The following BAZ2B variants were observed in gnomAD, a reference collection of about 807,000 sequenced individuals.
BAZ2B encodes the protein bromodomain adjacent to zinc finger domain protein 2B.
In BAZ2B, 91 loss-of-function variants were observed where a neutral mutation model predicts 246.0. The ratio of observed to expected loss-of-function variants is 0.37; its 90% CI spans 0.31 to 0.44. The LOEUF is 0.44. BAZ2B is among the 20% of genes least tolerant of loss of function. The pLI is 1.00. For missense variants in BAZ2B, 2,332 were observed against 2,533.7 expected (o/e 0.92, Z 1.71); for synonymous variants, 855 against 860.0 (o/e 0.99, Z 0.10).
At chr2:159,705,766 T>C in the BAZ2B span, among the ~76,000 whole-genome samples, 1 of 152,130 alleles carries the variant, frequency 6.6e-6, no homozygotes, top group Non-Finnish European at 1.5e-5. Context: ...ATAAGTAAGA[T>C]TTTTTAAGCT....
chr2:159,419,566 G>A (rs1011710302), intron 13 of BAZ2B, among the ~76,000 whole-genome samples: 3 of 152,170 alleles, frequency 2.0e-5, no homozygotes, highest in Non-Finnish European at 4.4e-5. Context: ...ATGTGAAAGA[G>A]TAAGAACCAT....
Position 159,484,298 on chromosome 2 carries a change from G to A in BAZ2B, c.-2-5577C>T, listed in dbSNP as rs1164072073. On this transcript the variant is annotated intron_variant, in intron 2 of 36. Coordinates refer to ENST00000392783, the MANE Select transcript of BAZ2B (RefSeq NM_013450.4). ...TAACTATAATAGTAAGGTGAGTCAA[G>A]CTGATTTTGATGACCCAAAGCTACT... 2.6e-4 allele frequency among the ~76,000 whole-genome samples: 40 copies of A among 152,176 alleles called. 1 individual carries two copies. The highest frequency in any genetic ancestry group is 2.9e-5 in the Non-Finnish European group (2 of 68,024).
intron 2 of BAZ2B, among the ~76,000 whole-genome samples, chr2:159,497,359 G>T (rs1267130470): frequency 6.6e-6 from 1 of 152,186 alleles, no homozygotes; most frequent in Non-Finnish European, 1.5e-5. Context: ...GAAGGTCCAT[G>T]ACTCATTATG....
intron 8 of BAZ2B, among the ~76,000 whole-genome samples, chr2:159,436,136 T>C (rs1037561451): frequency 6.6e-6 from 1 of 152,196 alleles, no homozygotes; most frequent in African/African-American, 2.4e-5. Context: ...AATTATGTCA[T>C]GTAATAATTT....
In BAZ2B at chr2:159,400,810, G is replaced by A. The variant is rs1326719934; in HGVS notation, c.2833-146C>T. 1.5e-5 allele frequency: 7 copies of A among 475,930 alleles called. No homozygotes were observed. The South Asian group carries it at 1.9e-4, about 13-fold the overall frequency. 29.5% of individuals were successfully genotyped at this position (475,930 alleles called of 1,614,324 possible). ...AATCCCAGCACTTTGGGAGGCCAAG[G>A]TGGGCGGATCACAAGGTCAGGAGAT... On this transcript the variant is annotated intron_variant, in intron 16 of 36. Coordinates refer to ENST00000392783, the MANE Select transcript of BAZ2B (RefSeq NM_013450.4).
At chr2:159,591,182 C>T (rs1320104046) in intron 1 of BAZ2B, among the ~76,000 whole-genome samples, 7 of 152,148 alleles carry the variant, frequency 4.6e-5, no homozygotes, top group Non-Finnish European at 7.3e-5. Context: ...AACCATTACA[C>T]AGAAATGAAC....
At chr2:159,636,097 C>CG in the BAZ2B span, among the ~76,000 whole-genome samples, 11 of 152,090 alleles carry the variant, frequency 7.2e-5, no homozygotes, top group African/African-American at 2.4e-4. Flanking sequence ...ACATGGATAA[C>CG]GGGGGGCAGA....
chr2:159,426,998 T>A (rs1377439951), intron 13 of BAZ2B, among the ~76,000 whole-genome samples: 1 of 152,176 alleles, frequency 6.6e-6, no homozygotes, highest in Non-Finnish European at 1.5e-5. Flanking sequence ...CTGAGCATTT[T>A]AGCCTTTTGA....
At chr2:159,549,005 C>T (rs766835463) in intron 2 of BAZ2B, among the ~76,000 whole-genome samples, 2 of 152,078 alleles carry the variant, frequency 1.3e-5, no homozygotes, top group African/African-American at 2.4e-5. Context: ...TAAGGCCGGG[C>T]GCGGTGGCTC....
chr2:159,347,593 C>A lies in BAZ2B; in HGVS notation c.5347G>T (p.Val1783Leu). 1 of 1,612,914 alleles carries A rather than the reference C, an allele frequency of 6.2e-7. No individual in the cohort carries two copies. The highest frequency in any genetic ancestry group is 8.5e-7 in the Non-Finnish European group (1 of 1,179,100). The stretch of plus-strand genomic sequence containing the variant: ...TGTTCTTCTACTGACCAGTTCTCCA[C>A]AATATCTCGAGTTACTTGGTTTTCT... ...NEENQVTRDI[V>L]ENWSVEEQAM... Residue 1783 changes from valine (V) to leucine (L), a missense_variant, in exon 31 of 37, where the codon GTG becomes TTG. Val to Leu is a conservative substitution (Grantham distance 32). Transcript: ENST00000392783.
intron 27 of BAZ2B, among the ~76,000 whole-genome samples, chr2:159,370,471 T>A (rs921960519): frequency 6.9e-6 from 1 of 145,788 alleles, no homozygotes; most frequent in Non-Finnish European, 1.5e-5. Flanking sequence ...CCCGGGTTCA[T>A]GCCATTCTCC....
intron 2 of BAZ2B, among the ~76,000 whole-genome samples, chr2:159,502,809 G>A (rs2081981833): frequency 6.6e-6 from 1 of 152,170 alleles, no homozygotes; most frequent in African/African-American, 2.4e-5. Context: ...ATGATATGCT[G>A]AGACAGAAAA....
chr2:159,692,752 TTGCTCAAGGG>T, the BAZ2B span, among the ~76,000 whole-genome samples: 1 of 152,212 alleles, frequency 6.6e-6, no homozygotes, highest in Non-Finnish European at 1.5e-5. Flanking sequence ...CAAACTTGTT[TTGCTCAAGGG>T]TCAACTGTAA....
the BAZ2B span, among the ~76,000 whole-genome samples, chr2:159,661,732 C>A: frequency 1.3e-5 from 2 of 151,652 alleles, no homozygotes; most frequent in South Asian, 4.2e-4. Flanking sequence ...TTAAAAGGAA[C>A]AATTCAGTGG....
At chr2:159,483,684 G>C (rs1330664256) in intron 2 of BAZ2B, among the ~76,000 whole-genome samples, 1 of 152,120 alleles carries the variant, frequency 6.6e-6, no homozygotes. Context: ...GGGAGGCTGA[G>C]GCAGGAGAAT....
intron 2 of BAZ2B, among the ~76,000 whole-genome samples, chr2:159,503,660 A>ACCT (rs985815277): frequency 5.6e-4 from 84 of 151,106 alleles, no homozygotes; most frequent in African/African-American, 2.0e-3. Context: ...GCTCACTGCA[A>ACCT]CCTCCCCCTC....
At chr2:159,385,443 CTCA>C (rs754198142) in intron 22 of BAZ2B, 74 bp from the exon 23 acceptor site, 27 of 1,346,830 alleles carry the variant, frequency 2.0e-5, no homozygotes, top group Non-Finnish European at 2.2e-5. Flanking sequence ...ATTAAAAATC[CTCA>C]TATTATTTGA....
chr2:159,475,984 C>T (rs189976561), intron 3 of BAZ2B, among the ~76,000 whole-genome samples: 17 of 152,250 alleles, frequency 1.1e-4, no homozygotes, highest in African/African-American at 4.1e-4. Flanking sequence ...GTCACTGCCG[C>T]TAGGAGGTGC....
chr2:159,505,338 T>A (rs1313454398), intron 2 of BAZ2B, among the ~76,000 whole-genome samples: 1 of 152,140 alleles, frequency 6.6e-6, no homozygotes, highest in Admixed American at 6.5e-5. Flanking sequence ...TAGAAACACA[T>A]GGGGGATCTC....
Sources: allele counts gnomAD v4.1 joint callset (sites outside exome capture counted in the v4.1 genomes callset), GRCh38; gene constraint gnomAD v4.1.1; transcripts MANE v1.5; gene names NCBI Gene and HGNC (gene_info 2026-07-23, HGNC 2026-07-21).